The following OPHN1 variants were observed in gnomAD, a reference collection of about 807,000 sequenced individuals.
OPHN1 encodes the protein oligophrenin 1, also known as oligophrenin-1.
In OPHN1, 11 loss-of-function variants were observed where a neutral mutation model predicts 60.7. The ratio of observed to expected loss-of-function variants is 0.18; its 90% CI spans 0.11 to 0.30. The LOEUF (loss-of-function observed/expected upper bound fraction) is 0.30. Among genes scored for constraint, OPHN1 ranks in the 10% least tolerant of loss-of-function variants. OPHN1 has a pLI of 1.00. For synonymous variants in OPHN1, 226 were observed against 222.6 expected (o/e 1.02, Z -0.14); for missense variants, 449 against 611.0 (o/e 0.73, Z 2.80).
At chrX:68,230,769 TG>T (rs1405328811) in intron 6 of OPHN1, among the ~76,000 whole-genome samples, 2 of 29,556 alleles carry the variant, frequency 6.8e-5, no homozygotes, top group Non-Finnish European at 1.2e-4. Context: ...TGACGTGGGG[TG>T]GGGGGAGGGG....
chrX:68,294,525 ATGTGGCAAACAGGCCTCT>A (rs2078085674), intron 3 of OPHN1, among the ~76,000 whole-genome samples: 1 of 106,420 alleles, frequency 9.4e-6, no homozygotes, highest in African/African-American at 3.4e-5. Context: ...TCTTAAGCCT[ATGTGGCAAACAGGCCTCT>A]TTCTAGCTCA....
At chrX:68,165,925 C>G (rs952867981) in intron 15 of OPHN1, among the ~76,000 whole-genome samples, 2 of 111,745 alleles carry the variant, frequency 1.8e-5, no homozygotes, top group African/African-American at 6.5e-5. Context: ...TGAATTCTAG[C>G]AAAGGTGCCA....
chrX:68,161,470 ATAATTAGAACCT>A (rs1475266561), intron 15 of OPHN1, among the ~76,000 whole-genome samples: 4 of 111,277 alleles, frequency 3.6e-5, no homozygotes, highest in African/African-American at 1.3e-4. Flanking sequence ...TACTTCATTA[ATAATTAGAACCT>A]TAATTAGAAC....
chrX:68,251,289 C>T (rs1053342152), intron 5 of OPHN1, among the ~76,000 whole-genome samples: 6 of 102,335 alleles, frequency 5.9e-5, no homozygotes, highest in African/African-American at 2.2e-4. Context: ...CAGGTTCAAG[C>T]GATTCTCCTA....
chrX:68,353,445 G>T (rs1489042387), intron 2 of OPHN1, among the ~76,000 whole-genome samples: 3 of 105,292 alleles, frequency 2.8e-5, no homozygotes, highest in Non-Finnish European at 5.8e-5. Flanking sequence ...ATGGTGGCGG[G>T]TGCCTGTAAT....
At chrX:68,226,852 A>G (rs1294019931) in intron 6 of OPHN1, among the ~76,000 whole-genome samples, 3 of 111,727 alleles carry the variant, frequency 2.7e-5, no homozygotes, top group African/African-American at 9.8e-5. Context: ...CGAACATCAT[A>G]ATCACAGGAT....
chrX:68,308,490 G>A (rs1376481539), intron 2 of OPHN1, among the ~76,000 whole-genome samples: 2 of 109,114 alleles, frequency 1.8e-5, no homozygotes, highest in Non-Finnish European at 3.8e-5. Context: ...TACTCAGGAG[G>A]CTAAGATGGG....
intron 5 of OPHN1, among the ~76,000 whole-genome samples, chrX:68,256,681 T>A (rs1402672888): frequency 8.9e-6 from 1 of 112,083 alleles, no homozygotes; most frequent in African/African-American, 3.2e-5. Flanking sequence ...TCAGCATCAT[T>A]TTTTTAGCAA....
chrX:68,355,360 C>T (rs751790927), intron 2 of OPHN1, among the ~76,000 whole-genome samples: 2 of 112,154 alleles, frequency 1.8e-5, no homozygotes, highest in South Asian at 3.7e-4. Context: ...TGCTGTGGAA[C>T]GTAGACCAAT....
intron 5 of OPHN1, among the ~76,000 whole-genome samples, chrX:68,255,591 A>T (rs1358805930): frequency 9.0e-6 from 1 of 111,402 alleles, no homozygotes; most frequent in African/African-American, 3.3e-5. Flanking sequence ...AGGAAGAGGG[A>T]ATGCCTTTGG....
intron 18 of OPHN1, among the ~76,000 whole-genome samples, chrX:68,097,373 A>ATAAG (rs1444750090): frequency 1.8e-5 from 2 of 111,095 alleles, no homozygotes; most frequent in Non-Finnish European, 3.8e-5. Context: ...AACAGCCCAT[A>ATAAG]TAAGTATAAA....
intron 2 of OPHN1, among the ~76,000 whole-genome samples, chrX:68,303,144 C>CA (rs755304418): frequency 9.0e-6 from 1 of 111,351 alleles, no homozygotes; most frequent in East Asian, 2.8e-4. Context: ...ACACACTACC[C>CA]AAAACAATCT....
At position 68,203,210 on chromosome X, in the gene OPHN1, G is replaced by A. The variant is rs369780277; in HGVS notation, c.934-1500C>T. 2.6e-4 allele frequency among the ~76,000 whole-genome samples: 29 copies of A among 111,844 alleles called. No homozygotes were observed. In the East Asian group the frequency reaches 5.7e-3, roughly 22 times the overall value. On this transcript the variant is annotated intron_variant, in intron 10 of 24. Transcript: ENST00000355520. The stretch of plus-strand genomic sequence containing the variant: ...GCAGAGGCTGCAGTGCGCCAAGATC[G>A]TGCCACTGCACTCCAGCCTGGGTGA...
rs2076831358 is a variant in OPHN1, at chrX:68,046,052, C to G, written c.*1120G>C. ...TATGGATTGTAAAAAGAGTATTTTA[C>G]TCAAGTGCTGTGGTTCTTGACTTTT... On this transcript the variant is annotated 3_prime_UTR_variant, in exon 25 of 25. Transcript: ENST00000355520. 9.5e-6 allele frequency: 1 copy of G among 104,965 alleles called. No homozygotes were observed. Among genetic ancestry groups the G allele is most frequent in the Non-Finnish European group, 2.0e-5 (1 of 50,432 alleles). The allele number at this position is 104,965 out of a possible 1,213,427, so 8.7% of individuals were successfully genotyped here.
In OPHN1 at chrX:68,214,045, A is replaced by C. The variant is rs1296844919; in HGVS notation, c.487-73T>G. On this transcript the variant is annotated intron_variant, in intron 6 of 24. Coordinates refer to ENST00000355520, the MANE Select transcript of OPHN1 (RefSeq NM_002547.3). ...GAAAGTCAGTACTTAAGGATTGAAC[A>C]GAATGCTAGAGCTAGATGAGCATTT... 1.8e-5 allele frequency: 11 copies of C among 607,195 alleles called. No individual in the cohort carries two copies. The East Asian group carries it at 3.5e-4, about 20-fold the overall frequency. 50.0% of individuals were successfully genotyped at this position (607,195 alleles called of 1,213,427 possible).
chrX:68,149,922 G>C (rs1369142722), intron 15 of OPHN1, among the ~76,000 whole-genome samples: 2 of 111,327 alleles, frequency 1.8e-5, no homozygotes, highest in Non-Finnish European at 3.8e-5. Context: ...TGGATTAATG[G>C]ATAAACAAAA....
At chrX:68,431,712 G>A (rs2078886970) in intron 2 of OPHN1, among the ~76,000 whole-genome samples, 1 of 110,880 alleles carries the variant, frequency 9.0e-6, no homozygotes, top group Admixed American at 9.6e-5. Flanking sequence ...ACAGGCGTGA[G>A]CCACCTCGCC....
intron 5 of OPHN1, among the ~76,000 whole-genome samples, chrX:68,271,760 G>A (rs1316906377): frequency 1.8e-5 from 2 of 111,126 alleles, no homozygotes; most frequent in African/African-American, 6.6e-5. Flanking sequence ...ACCCCCTAGG[G>A]TGCAAGCTCA....
At chrX:68,132,832 G>A (rs2077202843) in intron 15 of OPHN1, 1 of 231,669 alleles carries the variant, frequency 4.3e-6, no homozygotes, top group Non-Finnish European at 7.7e-6. Flanking sequence ...GCACTTACCC[G>A]AGTCCGCTCC....
Sources: allele counts gnomAD v4.1 joint callset (sites outside exome capture counted in the v4.1 genomes callset), GRCh38; gene constraint gnomAD v4.1.1; transcripts MANE v1.5; gene names NCBI Gene and HGNC (gene_info 2026-07-23, HGNC 2026-07-21).